SGK1: variants seen among roughly 807,000 people sequenced by gnomAD.
The protein encoded by SGK1 is serum/glucocorticoid regulated kinase 1.
A neutral mutation model predicts 64.2 loss-of-function variants in SGK1; 26 were observed. The ratio of observed to expected loss-of-function variants is 0.40; its 90% confidence interval spans 0.30 to 0.56. The LOEUF (loss-of-function observed/expected upper bound fraction) is 0.56. Ranked by LOEUF, SGK1 falls within the 20% of genes least tolerant of loss-of-function variation. SGK1 has a pLI of 0.38. For missense variants in SGK1, 519 were observed against 645.6 expected, an observed-to-expected ratio of 0.80 and a Z score of 2.12; for synonymous variants, 265 against 239.7, an observed-to-expected ratio of 1.11 and a Z score of -0.98.
At chr6:134,233,334 A>G (rs1776318709) in intron 2 of SGK1, among the ~76,000 whole-genome samples, 1 of 152,180 alleles carries the variant, frequency 6.6e-6, no homozygotes, top group African/African-American at 2.4e-5. Context: ...GCTCTCTCAT[A>G]CTAGTTCAAG....
intron 1 of SGK1, among the ~76,000 whole-genome samples, chr6:134,265,616 A>G (rs1245747021): frequency 2.1e-4 from 28 of 132,900 alleles, no homozygotes; most frequent in African/African-American, 8.3e-4. Flanking sequence ...TTTTATATAT[A>G]TACATATATA....
chr6:134,298,157 T>C (rs1582771644), intron 1 of SGK1: 19 of 1,313,810 alleles, frequency 1.4e-5, no homozygotes, highest in Non-Finnish European at 2.1e-5. Context: ...ATTCTCCATC[T>C]CTGTAAGCTT....
chr6:134,283,613 CA>C (rs1436977037), intron 1 of SGK1, among the ~76,000 whole-genome samples: 3 of 151,884 alleles, frequency 2.0e-5, no homozygotes, highest in Admixed American at 1.3e-4. Context: ...ATTGGGAGGC[CA>C]AGGTGGGAGG....
intron 1 of SGK1, among the ~76,000 whole-genome samples, chr6:134,275,064 C>T (rs1185539602): frequency 6.6e-6 from 1 of 152,162 alleles, no homozygotes; most frequent in Non-Finnish European, 1.5e-5. Context: ...CCACCTTGGC[C>T]TCCCAAAGTG....
intron 3 of SGK1, among the ~76,000 whole-genome samples, chr6:134,193,847 G>GGGGAGGGGAGGAGAA: frequency 8.6e-6 from 1 of 115,890 alleles, no homozygotes; most frequent in Non-Finnish European, 1.8e-5. Context: ...GGGGAGGGGA[G>GGGGAGGGGAGGAGAA]GGGAGGGGAA....
At chr6:134,272,836 C>T (rs1389944957) in intron 1 of SGK1, among the ~76,000 whole-genome samples, 1 of 148,192 alleles carries the variant, frequency 6.7e-6, no homozygotes, top group Non-Finnish European at 1.5e-5. Context: ...CACAAAGATG[C>T]CAATAAACCT....
chr6:134,172,726 G>T lies in SGK1; in HGVS notation c.883C>A (p.Arg295Ser). Residue 295 changes from arginine (R) to serine (S), a missense_variant, in exon 9 of 14, where the codon CGT (arginine) becomes AGT (serine). Physicochemically the swap from Arg to Ser is moderately radical, Grantham distance 110. Transcript: ENST00000367858. ...CTGGCTATTTCAGCAGCATAGAAAC[G>T]AGCCCGTGGTTCCAGGAAGCAGCGT... ...RERCFLEPRA[R>S]FYAAEIASAL... is the part of the protein sequence containing the mutation. 6.2e-7 allele frequency: 1 copy of T among 1,614,140 alleles called. No individual in the cohort carries two copies.
At chr6:134,225,651 A>G (rs900015706) in intron 2 of SGK1, among the ~76,000 whole-genome samples, 9 of 152,146 alleles carry the variant, frequency 5.9e-5, no homozygotes, top group African/African-American at 2.2e-4. Context: ...ATCTCAGCTG[A>G]TCCTCAGAAG....
At chr6:134,287,372 A>G (rs1187848462) in intron 1 of SGK1, among the ~76,000 whole-genome samples, 2 of 151,682 alleles carry the variant, frequency 1.3e-5, no homozygotes, top group Non-Finnish European at 2.9e-5. Flanking sequence ...TTTGTCCTAT[A>G]AATTTTTTTG....
At chr6:134,220,387 T>C (rs1283935217) in intron 2 of SGK1, among the ~76,000 whole-genome samples, 1 of 152,122 alleles carries the variant, frequency 6.6e-6, no homozygotes, top group Non-Finnish European at 1.5e-5. Context: ...GCTACACAGA[T>C]AGAAGTTATA....
At chr6:134,246,151 T>G (rs1000753794) in intron 2 of SGK1, among the ~76,000 whole-genome samples, 1 of 151,918 alleles carries the variant, frequency 6.6e-6, no homozygotes, top group African/African-American at 2.4e-5. Context: ...CTTTTCTTTT[T>G]TTTCTTTTTT....
chr6:134,219,291 C>T (rs1290443725), intron 2 of SGK1, among the ~76,000 whole-genome samples: 5 of 151,984 alleles, frequency 3.3e-5, no homozygotes, highest in Admixed American at 3.3e-4. Context: ...AGATTACAGG[C>T]ATGAGCCACC....
chr6:134,240,129 CAA>C (rs940131177), intron 2 of SGK1, among the ~76,000 whole-genome samples: 1 of 151,826 alleles, frequency 6.6e-6, no homozygotes, highest in Non-Finnish European at 1.5e-5. Flanking sequence ...CTGTCTTTAC[CAA>C]AAATACCAAA....
At chr6:134,302,745 G>GTTA (rs1303660561) in intron 1 of SGK1, among the ~76,000 whole-genome samples, 1 of 151,924 alleles carries the variant, frequency 6.6e-6, no homozygotes, top group South Asian at 2.1e-4. Flanking sequence ...AGGTATTATT[G>GTTA]TTATTATTAT....
intron 2 of SGK1, among the ~76,000 whole-genome samples, chr6:134,221,085 T>C (rs1396727878): frequency 6.6e-6 from 1 of 151,520 alleles, no homozygotes; most frequent in Non-Finnish European, 1.5e-5. Context: ...AGGCAGATCA[T>C]CTGAGGTCAA....
chr6:134,256,382 G>C (rs1562266163), intron 2 of SGK1, among the ~76,000 whole-genome samples: 1 of 152,132 alleles, frequency 6.6e-6, no homozygotes, highest in Non-Finnish European at 1.5e-5. Flanking sequence ...GTGTGTGTGT[G>C]TGTATGTGTG....
At chr6:134,252,290 G>A (rs1214424799) in intron 2 of SGK1, among the ~76,000 whole-genome samples, 1 of 152,154 alleles carries the variant, frequency 6.6e-6, no homozygotes, top group Admixed American at 6.5e-5. Context: ...TGGAAACATG[G>A]AAGTACTCCT....
At chr6:134,256,911 G>A (rs1446444750) in intron 2 of SGK1, 1 of 152,220 alleles carries the variant, frequency 6.6e-6, no homozygotes, top group African/African-American at 2.4e-5. Flanking sequence ...TATTGGCAAG[G>A]CCTGGTACAA....
chr6:134,265,428 C>A (rs1227803647), intron 1 of SGK1, among the ~76,000 whole-genome samples: 1 of 151,142 alleles, frequency 6.6e-6, no homozygotes, highest in Non-Finnish European at 1.5e-5. Flanking sequence ...CCATTGCACT[C>A]CAGCCTGGGC....
Sources: allele counts gnomAD v4.1 joint callset (sites outside exome capture counted in the v4.1 genomes callset), GRCh38; gene constraint gnomAD v4.1.1; transcripts MANE v1.5; gene names NCBI Gene and HGNC (gene_info 2026-07-23, HGNC 2026-07-21).